WDPCP: variants seen among roughly 807,000 people sequenced by gnomAD.
WDPCP encodes WD repeat containing planar cell polarity effector.
Under a neutral mutation model 93.1 loss-of-function variants are expected in WDPCP, and 71 were observed. The ratio of observed to expected loss-of-function variants is 0.76; its 90% CI spans 0.63 to 0.93. WDPCP has a LOEUF of 0.93. Among genes scored for constraint, WDPCP ranks in the 40% least tolerant of loss-of-function variants. The pLI is 0.00. For synonymous variants in WDPCP, 315 were observed against 315.0 expected, an observed-to-expected ratio of 1.00 and a Z score of 0.00; for missense variants, 844 against 887.4, an observed-to-expected ratio of 0.95 and a Z score of 0.62.
intron 17 of WDPCP, among the ~76,000 whole-genome samples, chr2:63,142,909 T>C (rs868479430): frequency 1.5e-4 from 21 of 140,430 alleles, no homozygotes; most frequent in Middle Eastern, 3.3e-3. Context: ...CATACATATA[T>C]ATACACATAC....
At chr2:63,688,596 T>G (rs1338118149) in intron 2 of WDPCP, among the ~76,000 whole-genome samples, 4 of 151,950 alleles carry the variant, frequency 2.6e-5, no homozygotes, top group African/African-American at 9.7e-5. Context: ...AGAAATCAAT[T>G]TAATTGTACA....
At chr2:63,463,492 T>C (rs1052310060) in intron 6 of WDPCP, among the ~76,000 whole-genome samples, 1 of 152,174 alleles carries the variant, frequency 6.6e-6, no homozygotes, top group African/African-American at 2.4e-5. Context: ...GTTGAGCCTG[T>C]TTAAAAGCTG....
In WDPCP at chr2:63,610,508, GA is replaced by G. The variant is rs1195569181; in HGVS notation, n.488+40150del. 2.7e-5 allele frequency among the ~76,000 whole-genome samples: 4 copies of G among 150,940 alleles called. No individual in the cohort carries two copies. In the East Asian group the frequency reaches 7.8e-4, roughly 29 times the overall value. ...GAAAATCAATGAAATGGTGTTAAAT[GA>G]AAACCAAATTTTTGTTTATCCTTAC... On this transcript the variant is annotated intron_variant and non_coding_transcript_variant, in intron 3 of 4. Coordinates refer to the WDPCP transcript ENST00000467687.
rs1669512132 is a variant in WDPCP at position 63,120,853 on chromosome 2, G to T, written c.*1153C>A. Reference sequence around the variant, plus strand: ...CTGGCCTATAGATGTCTATAATTGTGAAATATCAGTTATCTGCTAAAGAAT... The same window carrying T: ...CTGGCCTATAGATGTCTATAATTGTTAAATATCAGTTATCTGCTAAAGAAT... On this transcript the variant is annotated 3_prime_UTR_variant, in exon 18 of 18. Coordinates refer to ENST00000272321, the MANE Select transcript of WDPCP (RefSeq NM_015910.7). Among the ~76,000 whole-genome samples the T allele has an allele frequency of 6.6e-6, 1 of 152,006 alleles. No homozygotes were observed. The highest frequency in any genetic ancestry group is 2.4e-5 in the African/African-American group (1 of 41,406).
At chr2:63,276,816 C>T (rs888230397) in intron 13 of WDPCP, among the ~76,000 whole-genome samples, 3 of 152,124 alleles carry the variant, frequency 2.0e-5, no homozygotes, top group South Asian at 2.1e-4. Flanking sequence ...AGGGAATAAT[C>T]GAGGAAAACT....
intron 11 of WDPCP, among the ~76,000 whole-genome samples, chr2:63,381,382 G>A (rs1174255044): frequency 6.6e-6 from 1 of 152,048 alleles, no homozygotes; most frequent in Admixed American, 6.6e-5. Flanking sequence ...AGGCAGAAGA[G>A]AGAAGAGTGT....
chr2:63,468,552 T>A (rs1699498357), intron 6 of WDPCP, among the ~76,000 whole-genome samples: 1 of 152,194 alleles, frequency 6.6e-6, no homozygotes. Flanking sequence ...TAGAAATGCA[T>A]TCTTGTGTAT....
intron 9 of WDPCP, among the ~76,000 whole-genome samples, chr2:63,416,714 G>A (rs1695457754): frequency 6.6e-6 from 1 of 151,548 alleles, no homozygotes; most frequent in Non-Finnish European, 1.5e-5. Flanking sequence ...AGTAGAGACG[G>A]GTTTTCACCA....
intron 1 of WDPCP, among the ~76,000 whole-genome samples, chr2:63,515,030 GAGA>G (rs1159556140): frequency 6.6e-6 from 1 of 152,136 alleles, no homozygotes; most frequent in Non-Finnish European, 1.5e-5. Flanking sequence ...TCCAGCCAAT[GAGA>G]AGATGTCTAG....
intron 3 of WDPCP, among the ~76,000 whole-genome samples, chr2:63,624,013 A>T (rs559248963): frequency 6.6e-6 from 1 of 152,330 alleles, no homozygotes; most frequent in Admixed American, 6.5e-5. Flanking sequence ...TCAAATTAGA[A>T]CTCAGGATTA....
At chr2:63,658,783 T>G (rs961004158) in intron 2 of WDPCP, among the ~76,000 whole-genome samples, 2 of 152,184 alleles carry the variant, frequency 1.3e-5, no homozygotes, top group African/African-American at 4.8e-5. Context: ...AATGCTGACA[T>G]GTTCCACAAG....
chr2:63,616,224 T>C (rs1360126788), intron 3 of WDPCP, among the ~76,000 whole-genome samples: 1 of 152,172 alleles, frequency 6.6e-6, no homozygotes, highest in Non-Finnish European at 1.5e-5. Flanking sequence ...GCATTGATAT[T>C]TAAGGCCAAG....
intron 14 of WDPCP, among the ~76,000 whole-genome samples, chr2:63,218,900 T>C (rs1214629493): frequency 1.3e-5 from 2 of 152,172 alleles, no homozygotes; most frequent in Non-Finnish European, 2.9e-5. Flanking sequence ...TTGTTATTAA[T>C]TGCAATTTTA....
intron 1 of WDPCP, among the ~76,000 whole-genome samples, chr2:63,823,186 A>C (rs1234966965): frequency 6.7e-6 from 1 of 149,744 alleles, no homozygotes; most frequent in Non-Finnish European, 1.5e-5. Flanking sequence ...ATTTAGGAAC[A>C]AAAAGTTTCA....
intron 2 of WDPCP, among the ~76,000 whole-genome samples, chr2:63,757,340 T>C (rs570845393): frequency 6.6e-6 from 1 of 152,286 alleles, no homozygotes; most frequent in South Asian, 2.1e-4. Context: ...TTTTCCATTT[T>C]CCCCAAGGAG....
intron 3 of WDPCP, among the ~76,000 whole-genome samples, chr2:63,611,093 G>C (rs555834663): frequency 7.4e-4 from 113 of 152,116 alleles, no homozygotes; most frequent in African/African-American, 2.4e-3. Context: ...GCAAGACCCT[G>C]TCTCAAAAAA....
chr2:63,705,598 T>C (rs1669137153), intron 2 of WDPCP, among the ~76,000 whole-genome samples: 1 of 152,224 alleles, frequency 6.6e-6, no homozygotes, highest in Non-Finnish European at 1.5e-5. Context: ...TTCCATGTAG[T>C]TGAGCAGTTT....
chr2:63,507,614 G>A (rs1382625575), intron 1 of WDPCP, among the ~76,000 whole-genome samples: 1 of 151,998 alleles, frequency 6.6e-6, no homozygotes, highest in African/African-American at 2.4e-5. Flanking sequence ...GGTTTCAGAA[G>A]GTGGGTACTA....
At chr2:63,805,612 T>G (rs1670752946) in intron 2 of WDPCP, among the ~76,000 whole-genome samples, 2 of 152,174 alleles carry the variant, frequency 1.3e-5, no homozygotes, top group Admixed American at 1.3e-4. Flanking sequence ...GTGCTACTAC[T>G]CTGGGGAAGT....
Sources: gnomAD v4.1 joint callset for allele counts (sites outside exome capture counted in the v4.1 genomes callset) on GRCh38, gnomAD v4.1.1 for gene constraint, MANE v1.5 for transcripts, NCBI Gene and HGNC (gene_info 2026-07-23, HGNC 2026-07-21) for gene names.